IL23R: variants seen among roughly 807,000 people sequenced by gnomAD.
The protein encoded by IL23R is interleukin 23 receptor.
In IL23R, 34 loss-of-function variants were observed where a neutral mutation model predicts 56.9. That is an observed-to-expected ratio of 0.60 (90% CI 0.45 to 0.80). The LOEUF is 0.80. Among genes scored for constraint, IL23R ranks in the 30% least tolerant of loss-of-function variants. IL23R has a pLI of 0.00. For synonymous variants in IL23R, 230 were observed against 249.2 expected (o/e 0.92, Z 0.73); for missense variants, 635 against 730.0 (o/e 0.87, Z 1.50).
intron 9 of IL23R, among the ~76,000 whole-genome samples, chr1:67,250,923 C>T (rs548085259): frequency 5.9e-4 from 90 of 152,200 alleles, no homozygotes; most frequent in African/African-American, 2.1e-3. Flanking sequence ...AAATGGATTT[C>T]GAGAGAGATC....
chr1:67,165,525 A>G (rs1233304193), upstream of IL23R, among the ~76,000 whole-genome samples: 1 of 152,222 alleles, frequency 6.6e-6, no homozygotes, highest in Non-Finnish European at 1.5e-5. Flanking sequence ...TCCCATGTTC[A>G]TGAAGCGTTA....
chr1:67,171,523 A>C (rs1244146652), intron 3 of IL23R, among the ~76,000 whole-genome samples: 2 of 152,216 alleles, frequency 1.3e-5, no homozygotes, highest in Admixed American at 6.5e-5. Context: ...TTTTATAAAA[A>C]CTACCAGATT....
chr1:67,265,548 A>C, the IL23R span, among the ~76,000 whole-genome samples: 1 of 152,208 alleles, frequency 6.6e-6, no homozygotes, highest in Admixed American at 6.5e-5. Flanking sequence ...CTATAGAATA[A>C]ATTTCAATAA....
chr1:67,143,803 TAGGC>T (rs1407306672), intron 1 of IL23R, among the ~76,000 whole-genome samples: 2 of 152,192 alleles, frequency 1.3e-5, no homozygotes, highest in Non-Finnish European at 2.9e-5. Flanking sequence ...TGAGGGAATC[TAGGC>T]AGGACATCAG....
chr1:67,161,998 C>T (rs72676058), upstream of IL23R, among the ~76,000 whole-genome samples: 5 of 151,734 alleles, frequency 3.3e-5, no homozygotes, highest in South Asian at 2.1e-4. Context: ...ATTTCAAAGA[C>T]GAAAAAACTA....
At chr1:67,175,526 CCA>C (rs1646996701) in intron 3 of IL23R, among the ~76,000 whole-genome samples, 1 of 152,174 alleles carries the variant, frequency 6.6e-6, no homozygotes. Flanking sequence ...CCAGCAACTG[CCA>C]TTCTACTTTC....
chr1:67,152,312 T>A (rs1646735478), intron 1 of IL23R, among the ~76,000 whole-genome samples: 2 of 152,218 alleles, frequency 1.3e-5, no homozygotes, highest in Admixed American at 1.3e-4. Flanking sequence ...TGATTTTGTA[T>A]CCTGAGACTG....
intron 7 of IL23R, among the ~76,000 whole-genome samples, chr1:67,224,121 C>T (rs1049448565): frequency 2.6e-5 from 4 of 152,114 alleles, no homozygotes; most frequent in Admixed American, 6.6e-5. Flanking sequence ...AATTCCCTGC[C>T]TTGGACAAGT....
rs532000142 is a variant in IL23R at position 67,250,029 on chromosome 1, T to C, written c.1149-5808T>C. On this transcript the variant is annotated intron_variant, in intron 9 of 10. Coordinates refer to ENST00000347310, the MANE Select transcript of IL23R (RefSeq NM_144701.3). ...AACTTTTCATAAACCTTCCACAATG[T>C]ATTCAAGCCTTTAGCTTTATTTTAA... Among the ~76,000 whole-genome samples the C allele has an allele frequency of 9.2e-5, 14 of 152,344 alleles. No homozygotes were observed. The South Asian group carries it at 2.7e-3, about 29-fold the overall frequency.
At chr1:67,200,557 A>AT (rs916117445) in intron 4 of IL23R, among the ~76,000 whole-genome samples, 180 bp from the exon 5 acceptor site, 2 of 149,934 alleles carry the variant, frequency 1.3e-5, no homozygotes, top group African/African-American at 4.9e-5. Flanking sequence ...CAATTATTGT[A>AT]TTTTTTTAAT....
chr1:67,160,359 G>A (rs1328807256), intron 1 of IL23R, among the ~76,000 whole-genome samples: 2 of 152,210 alleles, frequency 1.3e-5, no homozygotes, highest in African/African-American at 2.4e-5. Context: ...TTGGAGAGAA[G>A]TGTTTAAATG....
chr1:67,156,176 GA>G (rs1204587571), intron 1 of IL23R, among the ~76,000 whole-genome samples: 1 of 152,170 alleles, frequency 6.6e-6, no homozygotes, highest in African/African-American at 2.4e-5. Flanking sequence ...CTTTGTCCCA[GA>G]GGGGCACCAG....
At chr1:67,173,850 G>T (rs114567044) in intron 3 of IL23R, among the ~76,000 whole-genome samples, 3,480 of 152,080 alleles carry the variant, frequency 0.023, 128 homozygotes, top group African/African-American at 0.079. Flanking sequence ...ATATGTCTTT[G>T]AAATTTCAGA....
chr1:67,148,089 C>G (rs1012374493), intron 1 of IL23R, among the ~76,000 whole-genome samples: 3 of 152,222 alleles, frequency 2.0e-5, no homozygotes, highest in African/African-American at 7.2e-5. Context: ...TGGGATGAAC[C>G]TGGGCACTTA....
chr1:67,241,827 A>G (rs1384935380), intron 9 of IL23R, among the ~76,000 whole-genome samples: 2 of 152,208 alleles, frequency 1.3e-5, no homozygotes, highest in Non-Finnish European at 2.9e-5. Flanking sequence ...ACCAAACCAA[A>G]CCATCTAAAA....
intron 1 of IL23R, among the ~76,000 whole-genome samples, chr1:67,157,985 G>A (rs1032982261): frequency 6.6e-6 from 1 of 152,204 alleles, no homozygotes; most frequent in African/African-American, 2.4e-5. Flanking sequence ...GGTGGCCAAG[G>A]TGGGTGGATC....
chr1:67,150,179 C>G (rs1256398878), intron 1 of IL23R, among the ~76,000 whole-genome samples: 1 of 151,082 alleles, frequency 6.6e-6, no homozygotes, highest in Non-Finnish European at 1.5e-5. Context: ...AGCTTGGTCT[C>G]TCCTCTGAAT....
intron 7 of IL23R, among the ~76,000 whole-genome samples, chr1:67,229,153 C>G (rs1329105730): frequency 1.3e-5 from 2 of 152,198 alleles, no homozygotes; most frequent in Non-Finnish European, 2.9e-5. Context: ...ACCTCAGATG[C>G]CAGTCTCAAG....
chr1:67,157,171 G>C (rs954828320), intron 1 of IL23R, among the ~76,000 whole-genome samples: 38 of 152,178 alleles, frequency 2.5e-4, no homozygotes, highest in African/African-American at 9.2e-4. Context: ...TACCTCAGTT[G>C]CAAATGCAGA....
Sources: gnomAD v4.1 joint callset for allele counts (sites outside exome capture counted in the v4.1 genomes callset) on GRCh38, gnomAD v4.1.1 for gene constraint, MANE v1.5 for transcripts, NCBI Gene and HGNC (gene_info 2026-07-23, HGNC 2026-07-21) for gene names.